Variants in CSMD1 observed in about 807,000 individuals in gnomAD.
CSMD1 encodes CUB and Sushi multiple domains 1.
In CSMD1, 213 loss-of-function variants were observed where a neutral mutation model predicts 417.5. The observed-to-expected ratio is 0.51, with a 90% confidence interval of 0.46 to 0.57. The LOEUF is 0.57. CSMD1 is among the 20% of genes least tolerant of loss of function. The probability of loss-of-function intolerance (pLI) is 0.00; values close to 1 mark genes in which losing one functional copy is unlikely to be tolerated. For missense variants in CSMD1, 6,923 were observed against 4,529.7 expected, an observed-to-expected ratio of 1.53 and a Z score of -15.17; for synonymous variants, 2,862 against 1,736.8, an observed-to-expected ratio of 1.65 and a Z score of -16.11.
intron 26 of CSMD1, chr8:3,279,003 C>G (rs371733860): frequency 6.6e-6 from 1 of 152,046 alleles, no homozygotes; most frequent in South Asian, 2.1e-4. Context: ...TGATTTATTC[C>G]AGGTGTAGGA....
intron 28 of CSMD1, among the ~76,000 whole-genome samples, chr8:3,223,274 G>A (rs1798317122): frequency 6.6e-6 from 1 of 152,112 alleles, no homozygotes; most frequent in Admixed American, 6.5e-5. Context: ...CACATTTGGG[G>A]AAACTTTCAT....
chr8:3,925,718 C>G (rs1188804574), intron 5 of CSMD1, among the ~76,000 whole-genome samples: 1 of 152,024 alleles, frequency 6.6e-6, no homozygotes, highest in African/African-American at 2.4e-5. Flanking sequence ...CCTGTTACCT[C>G]CCGCCATGAT....
chr8:3,404,331 T>C (rs539622275), intron 15 of CSMD1, among the ~76,000 whole-genome samples: 2 of 20,148 alleles, frequency 9.9e-5, no homozygotes, highest in Admixed American at 8.2e-4. Context: ...CCAGACGCTA[T>C]CTCAAAAAAA....
chr8:3,936,122 A>T (rs900290353), intron 5 of CSMD1, among the ~76,000 whole-genome samples: 1 of 152,000 alleles, frequency 6.6e-6, no homozygotes, highest in Admixed American at 6.6e-5. Context: ...GAAGGTAGAG[A>T]GAAGTAAGGA....
intron 3 of CSMD1, among the ~76,000 whole-genome samples, chr8:4,136,552 G>C (rs4436144): frequency 0.34 from 51,515 of 152,008 alleles, 8,929 homozygotes; most frequent in Middle Eastern, 0.45. Context: ...AGCAAAAGAT[G>C]CAAAATGCCT....
At chr8:4,275,629 G>A (rs1194593254) in intron 3 of CSMD1, among the ~76,000 whole-genome samples, 1 of 152,112 alleles carries the variant, frequency 6.6e-6, no homozygotes, top group Non-Finnish European at 1.5e-5. Flanking sequence ...AAAAATTCAT[G>A]TGCACATCTT....
intron 2 of CSMD1, among the ~76,000 whole-genome samples, chr8:4,512,808 T>A (rs1436129166): frequency 7.0e-6 from 1 of 143,142 alleles, no homozygotes; most frequent in African/African-American, 2.5e-5. Context: ...ATAGCCCATG[T>A]TCATGGATTT....
rs956632277 is a variant in CSMD1 at position 4,013,909 on chromosome 8, C to A, written c.611-15799G>T. Among the ~76,000 whole-genome samples the A allele has an allele frequency of 2.6e-5, 4 of 152,150 alleles. 1 individual carries two copies. Among genetic ancestry groups the A allele is most frequent in the East Asian group, 1.9e-4 (1 of 5,180 alleles). On this transcript the variant is annotated intron_variant, in intron 4 of 69. Transcript: ENST00000635120. ...TGAAAACAAAATATTTGCTATCTGG[C>A]CTTTGACAAAAAATGTTTACCAGCC...
Position 3,118,536 on chromosome 8 carries a change from A to C in CSMD1, c.6293T>G (p.Met2098Arg). ...PDPPPFQNGY[M>R]INSDYSVGQS... The stretch of plus-strand genomic sequence containing the variant: ...CCCCACGCTGTAATCCGAGTTGATC[A>C]TGTACCCATTCTGAAATGGGGGTGG... Residue 2098 changes from methionine (M) to arginine (R), a missense_variant, in exon 42 of 70, where the codon ATG becomes AGG. Coordinates refer to ENST00000635120, the MANE Select transcript of CSMD1 (RefSeq NM_033225.6). 43 of 1,613,984 alleles carry C rather than the reference A, an allele frequency of 2.7e-5. No homozygotes were observed. Among genetic ancestry groups the C allele is most frequent in the Non-Finnish European group, 3.6e-5 (42 of 1,179,880 alleles).
At chr8:3,664,276 A>ATT (rs1481405248) in intron 7 of CSMD1, among the ~76,000 whole-genome samples, 1 of 152,174 alleles carries the variant, frequency 6.6e-6, no homozygotes. Flanking sequence ...GAGAGAGAAC[A>ATT]TGCGGTGTTT....
Position 3,699,833 on chromosome 8 carries a change from C to T in CSMD1, c.1009+8581G>A, listed in dbSNP as rs577738938. On this transcript the variant is annotated intron_variant, in intron 7 of 69. Coordinates refer to ENST00000635120, the MANE Select transcript of CSMD1 (RefSeq NM_033225.6). ...TGAAGAAAAACATGAGCACCCTCTT[C>T]CCACACGACACACCATCCCATAACT... 1.1e-4 allele frequency among the ~76,000 whole-genome samples: 16 copies of T among 152,172 alleles called. No homozygotes were observed. In the East Asian group the frequency reaches 2.7e-3, roughly 26 times the overall value.
chr8:3,571,337 G>C (rs1022679867), intron 10 of CSMD1, among the ~76,000 whole-genome samples: 22 of 152,168 alleles, frequency 1.4e-4, no homozygotes, highest in African/African-American at 5.3e-4. Context: ...GTGCCTAATA[G>C]CATACACATC....
At chr8:3,190,361 T>A (rs548919348) in intron 33 of CSMD1, among the ~76,000 whole-genome samples, 1 of 152,046 alleles carries the variant, frequency 6.6e-6, no homozygotes. Flanking sequence ...CGTTCCCAAC[T>A]GTACTTCGCC....
At chr8:4,801,961 T>C (rs1421982164) in intron 1 of CSMD1, among the ~76,000 whole-genome samples, 2 of 152,168 alleles carry the variant, frequency 1.3e-5, no homozygotes. Context: ...ATCTCTTCCT[T>C]TCATATTTAC....
At chr8:3,468,607 A>T in intron 12 of CSMD1, 105 bp downstream of exon 12, 1 of 632,842 alleles carries the variant, frequency 1.6e-6, no homozygotes, top group Admixed American at 2.9e-5. Flanking sequence ...ATTTATCAGC[A>T]TTGTTTGACT....
chr8:4,598,395 C>T (rs1008613914), intron 2 of CSMD1, among the ~76,000 whole-genome samples: 3 of 152,148 alleles, frequency 2.0e-5, no homozygotes, highest in African/African-American at 7.2e-5. Context: ...CAGGTGGATG[C>T]AGCTCTGTCA....
chr8:4,518,100 G>A (rs2130379338), intron 2 of CSMD1, among the ~76,000 whole-genome samples: 2 of 152,234 alleles, frequency 1.3e-5, no homozygotes, highest in Middle Eastern at 3.4e-3. Context: ...AAAAATCTAG[G>A]GGGAACATTC....
intron 10 of CSMD1, among the ~76,000 whole-genome samples, chr8:3,549,449 A>C (rs1187385351): frequency 6.6e-6 from 1 of 152,172 alleles, no homozygotes; most frequent in Non-Finnish European, 1.5e-5. Flanking sequence ...GCTCACATGG[A>C]AACTCAGCCC....
In CSMD1 at chr8:3,361,644, T is replaced by A. The variant is rs527315058; in HGVS notation, c.3116-2304A>T. On this transcript the variant is annotated intron_variant, in intron 20 of 69. Transcript: ENST00000635120. Reference sequence around the variant, plus strand: ...TCAAGCCTGGGCAACAGAGCAAGATTCCATCTCAAAAAAAAAAAAAAAAAA... The same window carrying A: ...TCAAGCCTGGGCAACAGAGCAAGATACCATCTCAAAAAAAAAAAAAAAAAA... Among the ~76,000 whole-genome samples, 11 of 78,298 alleles carry A rather than the reference T, an allele frequency of 1.4e-4. 1 individual carries two copies. In the Admixed American group the frequency reaches 1.9e-3, roughly 13 times the overall value. The allele number at this position is 78,298 out of a possible 152,430, so 51.4% of individuals were successfully genotyped here.
Sources: allele counts gnomAD v4.1 joint callset (sites outside exome capture counted in the v4.1 genomes callset), GRCh38; gene constraint gnomAD v4.1.1; transcripts MANE v1.5; gene names NCBI Gene and HGNC (gene_info 2026-07-23, HGNC 2026-07-21).